SIAH2: variants seen among roughly 807,000 people sequenced by gnomAD.
SIAH2 encodes siah E3 ubiquitin protein ligase 2, also known as E3 ubiquitin-protein ligase SIAH2.
In SIAH2, 4 loss-of-function variants were observed where a neutral mutation model predicts 20.4. That is an observed-to-expected ratio of 0.20 (90% confidence interval 0.10 to 0.45). The LOEUF (loss-of-function observed/expected upper bound fraction) is 0.45, where lower values mean the gene tolerates loss of function less well. Among genes scored for constraint, SIAH2 ranks in the 20% least tolerant of loss-of-function variants. The probability of loss-of-function intolerance (pLI) is 0.99; values close to 1 mark genes in which losing one functional copy is unlikely to be tolerated. For missense variants in SIAH2, 259 were observed against 440.3 expected, an observed-to-expected ratio of 0.59 and a Z score of 3.69; for synonymous variants, 171 against 192.5, an observed-to-expected ratio of 0.89 and a Z score of 0.93.
chr3:150,753,278 GC>G (rs1332110004), intron 1 of SIAH2, among the ~76,000 whole-genome samples: 4 of 152,212 alleles, frequency 2.6e-5, no homozygotes, highest in Non-Finnish European at 1.5e-5. Context: ...GAAGGAGAGG[GC>G]CTGGAACTGC....
At chr3:150,760,735 G>A (rs1344579139) in intron 1 of SIAH2, among the ~76,000 whole-genome samples, 1 of 152,232 alleles carries the variant, frequency 6.6e-6, no homozygotes, top group Non-Finnish European at 1.5e-5. Flanking sequence ...GTAAAGGGGT[G>A]AGAAAATGGC....
intron 1 of SIAH2, among the ~76,000 whole-genome samples, chr3:150,745,833 A>G (rs1714200136): frequency 1.3e-5 from 2 of 152,150 alleles, no homozygotes; most frequent in African/African-American, 4.8e-5. Context: ...AGGGTTTCTA[A>G]GAGTTTCCAG....
chr3:150,747,209 T>A (rs1008109990), intron 1 of SIAH2, among the ~76,000 whole-genome samples: 4 of 152,210 alleles, frequency 2.6e-5, no homozygotes, highest in African/African-American at 7.2e-5. Context: ...AATATTAACT[T>A]CTTTGGTTTG....
At chr3:150,748,098 C>T (rs1714268139) in intron 1 of SIAH2, among the ~76,000 whole-genome samples, 1 of 152,012 alleles carries the variant, frequency 6.6e-6, no homozygotes, top group Admixed American at 6.6e-5. Context: ...AAGTCTTGTG[C>T]AGATGTGTTC....
chr3:150,745,967 G>A (rs1240460934), intron 1 of SIAH2, among the ~76,000 whole-genome samples: 1 of 152,214 alleles, frequency 6.6e-6, no homozygotes, highest in Admixed American at 6.5e-5. Flanking sequence ...GACCAGGAGG[G>A]CAACAGGTGA....
chr3:150,744,060 G>A (rs1576580024), intron 1 of SIAH2, among the ~76,000 whole-genome samples: 2 of 150,512 alleles, frequency 1.3e-5, no homozygotes, highest in African/African-American at 4.9e-5. Flanking sequence ...TCTCTACCCT[G>A]CTTTATAGAA....
At chr3:150,754,255 T>C (rs57359526) in intron 1 of SIAH2, among the ~76,000 whole-genome samples, 15,629 of 152,184 alleles carry the variant, frequency 0.1, 1,615 homozygotes, top group East Asian at 0.34. Flanking sequence ...GGAAGCATAG[T>C]GGCTTCTGCT....
At chr3:150,761,902 G>A (rs1714621516) in intron 1 of SIAH2, 1 of 155,036 alleles carries the variant, frequency 6.5e-6, no homozygotes, top group South Asian at 1.9e-4. Context: ...TTTTCTTCTA[G>A]CTAGAGGAAA....
chr3:150,744,315 T>C (rs1382906862), intron 1 of SIAH2, among the ~76,000 whole-genome samples: 2 of 152,172 alleles, frequency 1.3e-5, no homozygotes, highest in African/African-American at 4.8e-5. Context: ...CACTTCCCCA[T>C]ACCTAAGCGG....
intron 1 of SIAH2, among the ~76,000 whole-genome samples, chr3:150,743,196 A>G (rs1024988198): frequency 6.6e-6 from 1 of 152,248 alleles, no homozygotes; most frequent in Non-Finnish European, 1.5e-5. Context: ...CAAACTGGTG[A>G]CTGGCAGGCA....
chr3:150,761,608 A>G, intron 1 of SIAH2, among the ~76,000 whole-genome samples: 1 of 152,106 alleles, frequency 6.6e-6, no homozygotes, highest in East Asian at 1.9e-4. Flanking sequence ...AAAAAGATAC[A>G]CACTAAACCT....
rs1576585360 is a variant in SIAH2 at position 150,763,023 on chromosome 3, A to G, written c.-174T>C. ...GCAGGCGGAGGGCTGGACCGCGCTG[A>G]TGCACTCCGCAGCCCCCGGCGTTCC... On this transcript the variant is annotated 5_prime_UTR_variant, in exon 1 of 2. Coordinates refer to ENST00000312960, the MANE Select transcript of SIAH2 (RefSeq NM_005067.7). The surrounding 1 kb of genome is among the most constrained non-coding windows in gnomAD (Gnocchi z 4.1). 3.9e-5 allele frequency: 24 copies of G among 623,376 alleles called. No homozygotes were observed. In the East Asian group the frequency reaches 2.0e-3, roughly 51 times the overall value. 38.6% of individuals were successfully genotyped at this position (623,376 alleles called of 1,614,324 possible). A position where few individuals can be genotyped will look rare whatever the true frequency, so the allele number is the denominator to read the frequency against.
In SIAH2 at chr3:150,762,287, G is replaced by A. The variant is rs1714633286; in HGVS notation, c.417+146C>T. ...AGACCTACACCCAAAGTGGGCTTGA[G>A]GGAGGGTGGACGAAGTGTAAACATT... On this transcript the variant is annotated intron_variant, in intron 1 of 1. Coordinates refer to ENST00000312960, the MANE Select transcript of SIAH2 (RefSeq NM_005067.7). The surrounding 1 kb of genome is among the most constrained non-coding windows in gnomAD (Gnocchi z 6.6). The A allele has an allele frequency of 4.2e-6, 6 of 1,442,632 alleles. No homozygotes were observed. In the South Asian group the frequency reaches 7.2e-5, roughly 17 times the overall value. 89.4% of individuals were successfully genotyped at this position (1,442,632 alleles called of 1,614,324 possible). A position where few individuals can be genotyped will look rare whatever the true frequency, so the allele number is the denominator to read the frequency against.
intron 1 of SIAH2, among the ~76,000 whole-genome samples, chr3:150,746,173 C>T (rs1714208067): frequency 6.6e-6 from 1 of 152,052 alleles, no homozygotes; most frequent in African/African-American, 2.4e-5. Flanking sequence ...GCAGGTGGAT[C>T]ACTTGAGGTC....
chr3:150,754,133 G>T (rs536338580), intron 1 of SIAH2, among the ~76,000 whole-genome samples: 1 of 152,194 alleles, frequency 6.6e-6, no homozygotes, highest in Middle Eastern at 3.2e-3. Context: ...GTAGACAATA[G>T]GATTCCTCAC....
chr3:150,742,094 C>A lies in SIAH2; in HGVS notation c.*47G>T. On this transcript the variant is annotated 3_prime_UTR_variant, in exon 2 of 2. Coordinates refer to ENST00000312960, the MANE Select transcript of SIAH2 (RefSeq NM_005067.7). This position sits in a 1 kb window ranked among gnomAD's most constrained non-coding sequence, Gnocchi z 4.8. Reference sequence around the variant, plus strand: ...AACATCTATAAAAACCTTTATTAAACATAGAGCACTATGCCCAAATAATTT... The same window carrying A: ...AACATCTATAAAAACCTTTATTAAAAATAGAGCACTATGCCCAAATAATTT... 6.6e-7 allele frequency: 1 copy of A among 1,514,664 alleles called. No homozygotes were observed. The allele number at this position is 1,514,664 out of a possible 1,614,324, so 93.8% of individuals were successfully genotyped here.
intron 1 of SIAH2, among the ~76,000 whole-genome samples, chr3:150,752,614 TA>T (rs879287754): frequency 3.1e-4 from 45 of 147,132 alleles, no homozygotes; most frequent in Middle Eastern, 3.5e-3. Context: ...ATCTCAGTAT[TA>T]AAAAAAAAAA....
chr3:150,750,045 T>C (rs1262976162), intron 1 of SIAH2, among the ~76,000 whole-genome samples: 1 of 152,210 alleles, frequency 6.6e-6, no homozygotes, highest in Non-Finnish European at 1.5e-5. Flanking sequence ...AGGATGAATT[T>C]CTGACAGTAT....
chr3:150,746,024 T>C (rs561130142), intron 1 of SIAH2, among the ~76,000 whole-genome samples: 14 of 152,288 alleles, frequency 9.2e-5, no homozygotes, highest in Middle Eastern at 3.4e-3. Context: ...GAAAGCTTTA[T>C]TGTAGACAAG....
Sources: allele counts gnomAD v4.1 joint callset (sites outside exome capture counted in the v4.1 genomes callset), GRCh38; gene constraint gnomAD v4.1.1; non-coding constraint Gnocchi (gnomAD v3.1); transcripts MANE v1.5; gene names NCBI Gene and HGNC (gene_info 2026-07-23, HGNC 2026-07-21).